The following MUC17 variants were observed in gnomAD, a reference collection of about 807,000 sequenced individuals.
The protein encoded by MUC17 is mucin-17.
Under a neutral mutation model 170.3 loss-of-function variants are expected in MUC17, and 190 were observed. The observed-to-expected ratio is 1.12, with a 90% CI of 0.99 to 1.26. The LOEUF (loss-of-function observed/expected upper bound fraction) is 1.26, where lower values mean the gene tolerates loss of function less well. Ranked by LOEUF, MUC17 falls within the 50% of genes most tolerant of loss-of-function variation. The pLI is 0.00. For missense variants in MUC17, 6,415 were observed against 5,530.0 expected (o/e 1.16, Z -5.08); for synonymous variants, 2,325 against 2,002.5 (o/e 1.16, Z -4.30).
intron 3 of MUC17, 146 bp from the exon 4 acceptor site, chr7:101,047,833 AAAAAC>A: frequency 9.5e-7 from 1 of 1,047,354 alleles, no homozygotes; most frequent in East Asian, 3.0e-5. Flanking sequence ...CTCGGACTCA[AAAAAC>A]AAACAAATTA....
rs1297596489 is a variant in MUC17, at chr7:101,038,487, A to G, written c.7071A>G (p.Thr2357=). 2.5e-6 allele frequency: 4 copies of G among 1,595,366 alleles called. No individual in the cohort carries two copies. The highest frequency in any genetic ancestry group is 3.4e-6 in the Non-Finnish European group (4 of 1,171,028). Residue 2357 remains threonine (T), a synonymous_variant, in exon 3 of 13, where the codon ACA becomes ACG. Coordinates refer to ENST00000306151, the MANE Select transcript of MUC17 (RefSeq NM_001040105.2). ...TGGTGGCCAGTTTTGAAACAAGCACACTTTCTACAACTCCTGCTGACACCA... is the reference window on the plus strand; with the variant it reads ...TGGTGGCCAGTTTTGAAACAAGCACGCTTTCTACAACTCCTGCTGACACCA... ...TTMVASFETS[T]LSTTPADTST...
chr7:101,050,805 C>T (rs575268486), intron 7 of MUC17, among the ~76,000 whole-genome samples, 170 bp downstream of exon 7: 2 of 151,906 alleles, frequency 1.3e-5, no homozygotes, highest in African/African-American at 2.4e-5. Flanking sequence ...AGGATTGGGC[C>T]GAGAGAGTCT....
intron 11 of MUC17, among the ~76,000 whole-genome samples, chr7:101,055,715 A>T (rs1378760297): frequency 1.3e-5 from 2 of 152,252 alleles, no homozygotes; most frequent in Non-Finnish European, 2.9e-5. Flanking sequence ...TTATTACCTG[A>T]GTCCACAAGA....
chr7:101,040,936 A>C lies in MUC17; in HGVS notation c.9520A>C (p.Met3174Leu). The stretch of plus-strand genomic sequence containing the variant: ...ATTAACATATATGCCTGTCAGCACC[A>C]TGCTGGTAGTCAGTTCTGAGGATAG... ...TPLTYMPVST[M>L]LVVSSEDSTL... The change falls in exon 3 of 13, where the codon ATG becomes CTG. Residue 3174 changes from methionine to leucine, a missense_variant. Coordinates refer to ENST00000306151, the MANE Select transcript of MUC17 (RefSeq NM_001040105.2). 1 of 1,613,564 alleles carries C rather than the reference A, an allele frequency of 6.2e-7. No individual in the cohort carries two copies.
Position 101,043,382 on chromosome 7 carries a change from A to G in MUC17, c.11966A>G (p.Lys3989Arg), listed in dbSNP as rs1196774611. 6.2e-7 allele frequency: 1 copy of G among 1,614,192 alleles called. No homozygotes were observed. Among genetic ancestry groups the G allele is most frequent in the South Asian group, 1.1e-5 (1 of 91,084 alleles). ...ACCACCACATCTTTTTCAACTACTA[A>G]GGAATTTACAACACCCGCAATGACT... is the stretch of plus-strand genomic sequence containing the variant. Reference protein sequence around the residue: ...SSTTTSFSTTKEFTTPAMTTA... With the variant: ...SSTTTSFSTTREFTTPAMTTA... Residue 3989 changes from lysine (K) to arginine (R), a missense_variant, in exon 3 of 13, where the codon AAG (lysine) becomes AGG (arginine). Transcript: ENST00000306151.
chr7:101,031,133 C>T lies in MUC17; in HGVS notation c.96C>T (p.Asn32=). 1.9e-6 allele frequency: 3 copies of T among 1,612,492 alleles called. No homozygotes were observed. Among genetic ancestry groups the T allele is most frequent in the Non-Finnish European group, 2.5e-6 (3 of 1,179,248 alleles). The change falls in exon 2 of 13, where the codon AAC becomes AAT. Residue 32 remains asparagine, a synonymous_variant. Transcript: ENST00000306151. ...TGTCTCTTTCAGACCTCAGTGTGAA[C>T]AGGGCTGTGTGGGATGGAGGAGGGT... ...QAAAEQDLSV[N]RAVWDGGGCI... is the part of the protein sequence containing the mutation.
rs77199586 is a variant in MUC17, at chr7:101,035,279, C to A, written c.3863C>A (p.Thr1288Lys). 106,128 of 1,448,436 alleles carry A rather than the reference C, an allele frequency of 0.073. No homozygotes were observed. Among genetic ancestry groups the A allele is most frequent in the African/African-American group, 0.23 (15,353 of 67,236 alleles). 89.7% of individuals were successfully genotyped at this position (1,448,436 alleles called of 1,614,324 possible). ...TLLTSIPVST[T>K]LVTSPEASTL... ...TTAACAAGTATACCTGTCAGCACCA[C>A]GCTGGTGACCAGTCCTGAGGCTAGC... The change falls in exon 3 of 13, where the codon ACG (threonine) becomes AAG (lysine). Residue 1288 changes from threonine (T) to lysine (K), a missense_variant. Coordinates refer to ENST00000306151, the MANE Select transcript of MUC17 (RefSeq NM_001040105.2).
rs780801086 is a variant in MUC17, at chr7:101,037,855, G to A, written c.6439G>A (p.Glu2147Lys). 2 of 1,610,812 alleles carry A rather than the reference G, an allele frequency of 1.2e-6. No homozygotes were observed. The highest frequency in any genetic ancestry group is 1.7e-5 in the Admixed American group (1 of 59,764). ...TEVSSSPIPT[E>K]GTSMQTSTYS... The stretch of plus-strand genomic sequence containing the variant: ...AGTCAGTTCATCTCCTATACCTACT[G>A]AAGGTACCAGCATGCAAACCTCAAC... The change falls in exon 3 of 13, where the codon GAA (glutamate) becomes AAA (lysine). Residue 2147 changes from glutamate to lysine, a missense_variant. Physicochemically the swap from Glu to Lys is moderately conservative, Grantham distance 56. Coordinates refer to ENST00000306151, the MANE Select transcript of MUC17 (RefSeq NM_001040105.2).
In MUC17 at chr7:101,037,840, T is replaced by C. The variant is rs1794540056; in HGVS notation, c.6424T>C (p.Ser2142Pro). 1 of 1,613,686 alleles carries C rather than the reference T, an allele frequency of 6.2e-7. No homozygotes were observed. The highest frequency in any genetic ancestry group is 2.2e-5 in the East Asian group (1 of 44,846). The change falls in exon 3 of 13, where the codon TCT (serine) becomes CCT (proline). Residue 2142 changes from serine (S) to proline (P), a missense_variant. Transcript: ENST00000306151. ...GATCACTTCTACTGAAGTCAGTTCA[T>C]CTCCTATACCTACTGAAGGTACCAG... is the stretch of plus-strand genomic sequence containing the variant. Reference protein sequence around the residue: ...PVITSTEVSSSPIPTEGTSMQ... With the variant: ...PVITSTEVSSPPIPTEGTSMQ...
intron 3 of MUC17, among the ~76,000 whole-genome samples, chr7:101,044,788 T>G (rs1189151674): frequency 6.6e-6 from 1 of 152,248 alleles, no homozygotes; most frequent in African/African-American, 2.4e-5. Context: ...CATACTAAAG[T>G]ACGAACTTTT....
rs111839436 is a variant in MUC17, at chr7:101,032,353, A to C, written c.937A>C (p.Ser313Arg). 7 of 1,613,636 alleles carry C rather than the reference A, an allele frequency of 4.3e-6. No homozygotes were observed. The highest frequency in any genetic ancestry group is 1.3e-5 in the African/African-American group (1 of 74,832). The stretch of plus-strand genomic sequence containing the variant: ...TCCTGTGATCACTTCTACTGAAGCC[A>C]GTTCATCTCCTACAACGGCTGAAGG... The part of the protein sequence containing the change: ...NIPVITSTEA[S>R]SSPTTAEGTS... Residue 313 changes from serine (S) to arginine (R), a missense_variant, in exon 3 of 13, where the codon AGT becomes CGT. Ser to Arg is a moderately radical substitution (Grantham distance 110, BLOSUM62 -1). Transcript: ENST00000306151.
chr7:101,045,983 C>T (rs555737449), intron 3 of MUC17, among the ~76,000 whole-genome samples: 28 of 152,296 alleles, frequency 1.8e-4, no homozygotes, highest in Admixed American at 1.0e-3. Flanking sequence ...TGGGTGAACG[C>T]GCCCCAGCAT....
chr7:101,044,725 AC>A (rs1794804266), intron 3 of MUC17, among the ~76,000 whole-genome samples: 1 of 151,858 alleles, frequency 6.6e-6, no homozygotes, highest in South Asian at 2.1e-4. Flanking sequence ...TTTCTTTTAA[AC>A]TTTTTAGTTT....
intron 4 of MUC17, among the ~76,000 whole-genome samples, chr7:101,048,629 G>GAAAGAAAGAAAGAGGGAAAGAGAT (rs1794883356): frequency 6.7e-6 from 1 of 149,700 alleles, no homozygotes; most frequent in Non-Finnish European, 1.5e-5. Flanking sequence ...AAGGAAAAAA[G>GAAAGAAAGAAAGAGGGAAAGAGAT]AAAGAAAGAA....
Position 101,050,557 on chromosome 7 carries a change from G to T in MUC17, c.12796G>T (p.Asp4266Tyr), listed in dbSNP as rs1226005794. The T allele has an allele frequency of 3.7e-6, 6 of 1,614,064 alleles. No individual in the cohort carries two copies. Among genetic ancestry groups the T allele is most frequent in the Non-Finnish European group, 5.1e-6 (6 of 1,180,040 alleles). The stretch of plus-strand genomic sequence containing the variant: ...CACACCAGAATACAAGACAGTATTG[G>T]ACAATGCCACCGAAGTAGTGAAAGA... ...KYTPEYKTVL[D>Y]NATEVVKEKI... The change falls in exon 7 of 13, where the codon GAC (aspartate) becomes TAC (tyrosine). Residue 4266 changes from aspartate to tyrosine, a missense_variant. Transcript: ENST00000306151.
intron 6 of MUC17, among the ~76,000 whole-genome samples, chr7:101,049,764 C>T (rs1177627019): frequency 1.3e-5 from 2 of 152,152 alleles, no homozygotes; most frequent in Non-Finnish European, 2.9e-5. Flanking sequence ...TTTTAATTTA[C>T]TCACCTCTTT....
chr7:101,025,915 ACTCCAGCCTGGGCAACAGTGAGAC>A (rs1263248890), intron 1 of MUC17, among the ~76,000 whole-genome samples: 3 of 152,002 alleles, frequency 2.0e-5, no homozygotes, highest in African/African-American at 7.3e-5. Context: ...CCAAGACTGC[ACTCCAGCCTGGGCAACAGTGAGAC>A]CTTGTCTCAA....
intron 1 of MUC17, among the ~76,000 whole-genome samples, chr7:101,023,938 T>C (rs1794137814): frequency 6.6e-6 from 1 of 152,110 alleles, no homozygotes; most frequent in Non-Finnish European, 1.5e-5. Flanking sequence ...GACTGGGATA[T>C]ATTCTATATC....
chr7:101,056,669 T>C (rs112272830), intron 12 of MUC17, among the ~76,000 whole-genome samples: 2,026 of 152,324 alleles, frequency 0.013, 42 homozygotes, highest in African/African-American at 0.045. Flanking sequence ...ATTGATCTAT[T>C]CACTAATTTT....
Sources: gnomAD v4.1 joint callset for allele counts (sites outside exome capture counted in the v4.1 genomes callset) on GRCh38, gnomAD v4.1.1 for gene constraint, MANE v1.5 for transcripts, NCBI Gene and HGNC (gene_info 2026-07-23, HGNC 2026-07-21) for gene names.